Variants in DMXL2 observed in about 807,000 individuals in gnomAD.
DMXL2 encodes Dmx like 2, also known as dmX-like protein 2.
In DMXL2, 103 loss-of-function variants were observed where a neutral mutation model predicts 331.1. The observed-to-expected ratio is 0.31, with a 90% confidence interval of 0.27 to 0.37. The LOEUF is 0.37. Ranked by LOEUF, DMXL2 falls within the 10% of genes least tolerant of loss-of-function variation. The pLI, the probability that DMXL2 is intolerant of heterozygous loss-of-function variation, is 1.00. For synonymous variants in DMXL2, 1,281 were observed against 1,252.1 expected, an observed-to-expected ratio of 1.02 and a Z score of -0.49; for missense variants, 3,171 against 3,642.9, an observed-to-expected ratio of 0.87 and a Z score of 3.33.
intron 22 of DMXL2, 107 bp from the exon 23 acceptor site, chr15:51,486,444 G>T: frequency 1.2e-6 from 1 of 855,246 alleles, no homozygotes; most frequent in Non-Finnish European, 1.8e-6. Flanking sequence ...TCCTAATGGT[G>T]GGCGAAGGGA....
chr15:51,570,476 C>CACAAAGATATTCCTCGAG (rs1473435935), intron 2 of DMXL2, among the ~76,000 whole-genome samples: 9 of 152,004 alleles, frequency 5.9e-5, no homozygotes, highest in African/African-American at 2.2e-4. Context: ...AGAGCAACCC[C>CACAAAGATATTCCTCGAG]AAGACACATA....
chr15:51,522,910 G>C (rs2047457907), intron 13 of DMXL2, among the ~76,000 whole-genome samples: 4 of 152,118 alleles, frequency 2.6e-5, no homozygotes, highest in Admixed American at 1.3e-4. Context: ...CACATGCTTA[G>C]TTGGCCTCAA....
chr15:51,605,167 G>A (rs1004733861), intron 1 of DMXL2, among the ~76,000 whole-genome samples: 5 of 151,830 alleles, frequency 3.3e-5, no homozygotes, highest in African/African-American at 1.2e-4. Context: ...ACCAAAACTC[G>A]ACAAAAACAG....
At chr15:51,465,461 A>C in intron 31 of DMXL2, 105 bp downstream of exon 31, 1 of 797,182 alleles carries the variant, frequency 1.3e-6, no homozygotes, top group Non-Finnish European at 2.1e-6. Context: ...TATCTAATGC[A>C]CTATTTTTTA....
rs139791426 is a variant in DMXL2 at position 51,582,351 on chromosome 15, G to A, written c.88-6170C>T. On this transcript the variant is annotated intron_variant, in intron 1 of 43. Transcript: ENST00000560891. ...ACTAATGACATTTTTCTATCGTTTC[G>A]TTTTCTGTTGCTCAAATTTTTTGCT... is the stretch of plus-strand genomic sequence containing the variant. Among the ~76,000 whole-genome samples the A allele has an allele frequency of 9.2e-3, 1,392 of 151,986 alleles. 26 individuals are homozygous for A. The highest frequency in any genetic ancestry group is 8.8e-3 in the Non-Finnish European group (601 of 67,950).
rs139727538 is a variant in DMXL2 at position 51,481,337 on chromosome 15, C to G, written c.5769G>C (p.Gln1923His). 1 of 1,614,096 alleles carries G rather than the reference C, an allele frequency of 6.2e-7. No individual in the cohort carries two copies. Among genetic ancestry groups the G allele is most frequent in the African/African-American group, 1.3e-5 (1 of 75,036 alleles). ...KTSALSAKKDQPDFISHRMDD... is the reference protein window; with the variant it reads ...KTSALSAKKDHPDFISHRMDD... The stretch of plus-strand genomic sequence containing the variant: ...CCATCCTGTGAGAAATGAAGTCAGG[C>G]TGATCTTTTTTTGCAGATAAGGCAG... The change falls in exon 24 of 44, where the codon CAG becomes CAC. Residue 1923 changes from glutamine to histidine, a missense_variant. Physicochemically the swap from Gln to His is conservative, Grantham distance 24. Coordinates refer to ENST00000560891, the MANE Select transcript of DMXL2 (RefSeq NM_001378457.1).
intron 1 of DMXL2, among the ~76,000 whole-genome samples, chr15:51,595,250 A>T (rs1351159956): frequency 2.0e-5 from 3 of 152,228 alleles, no homozygotes; most frequent in Admixed American, 1.3e-4. Flanking sequence ...AATGTGCAAA[A>T]ATCACAAGCA....
At chr15:51,489,066 C>G (rs1470224201) in intron 20 of DMXL2, among the ~76,000 whole-genome samples, 1 of 152,126 alleles carries the variant, frequency 6.6e-6, no homozygotes, top group African/African-American at 2.4e-5. Context: ...AGAACTGAAA[C>G]TAACATAGAA....
At chr15:51,502,272 G>A (rs1196417457) in intron 17 of DMXL2, among the ~76,000 whole-genome samples, 5 of 148,616 alleles carry the variant, frequency 3.4e-5, no homozygotes, top group Non-Finnish European at 5.9e-5. Context: ...TTTCTGTCAA[G>A]CTGATTACAT....
chr15:51,455,955 CA>C, intron 39 of DMXL2, 110 bp downstream of exon 39: 1 of 1,284,438 alleles, frequency 7.8e-7, no homozygotes, highest in Non-Finnish European at 1.1e-6. Flanking sequence ...ACTGTCTACT[CA>C]GTTTAAATCC....
intron 1 of DMXL2, 149 bp downstream of exon 1, chr15:51,622,310 G>T: frequency 9.9e-7 from 1 of 1,007,540 alleles, no homozygotes; most frequent in Non-Finnish European, 1.4e-6. Flanking sequence ...GTCCCAGGGG[G>T]AACTAAACCC....
chr15:51,507,108 C>G (rs773150761), intron 16 of DMXL2, 26 bp downstream of exon 16: 1 of 1,522,680 alleles, frequency 6.6e-7, no homozygotes, highest in Non-Finnish European at 8.9e-7. Context: ...TATGTATCAT[C>G]TCTGTATAAA....
chr15:51,524,212 C>T (rs914332163), intron 13 of DMXL2, among the ~76,000 whole-genome samples: 5 of 152,136 alleles, frequency 3.3e-5, no homozygotes, highest in Admixed American at 2.6e-4. Context: ...TCTAAGTAAT[C>T]GAGGGTCGAA....
intron 1 of DMXL2, among the ~76,000 whole-genome samples, chr15:51,612,017 A>G (rs1229811783): frequency 6.6e-6 from 1 of 152,140 alleles, no homozygotes; most frequent in Non-Finnish European, 1.5e-5. Flanking sequence ...AAACCTTGCT[A>G]CCACTCTTTC....
intron 1 of DMXL2, among the ~76,000 whole-genome samples, chr15:51,608,666 G>A (rs1045880734): frequency 2.0e-5 from 3 of 152,054 alleles, no homozygotes; most frequent in African/African-American, 4.8e-5. Flanking sequence ...TTACCTGGGT[G>A]ACAAAATAAT....
intron 1 of DMXL2, among the ~76,000 whole-genome samples, chr15:51,597,770 T>C (rs909509575): frequency 1.3e-5 from 2 of 152,218 alleles, no homozygotes; most frequent in African/African-American, 2.4e-5. Flanking sequence ...TGCATGAGAA[T>C]TCCCATCACT....
intron 1 of DMXL2, among the ~76,000 whole-genome samples, chr15:51,592,009 C>G (rs986245859): frequency 6.6e-6 from 1 of 152,176 alleles, no homozygotes; most frequent in Non-Finnish European, 1.5e-5. Flanking sequence ...ATCAGAGCGC[C>G]TCTCCTCCTC....
chr15:51,501,690 G>A (rs2043617812), intron 17 of DMXL2, among the ~76,000 whole-genome samples: 1 of 150,442 alleles, frequency 6.6e-6, no homozygotes, highest in African/African-American at 2.4e-5. Context: ...GGGAGGCCGA[G>A]TGGGCGGATC....
At chr15:51,491,073 A>G (rs1038825650) in intron 20 of DMXL2, among the ~76,000 whole-genome samples, 10 of 152,360 alleles carry the variant, frequency 6.6e-5, no homozygotes, top group African/African-American at 2.4e-4. Context: ...TTCAGCCTAT[A>G]TAGAAAGACA....
Sources: gnomAD v4.1 joint callset for allele counts (sites outside exome capture counted in the v4.1 genomes callset) on GRCh38, gnomAD v4.1.1 for gene constraint, MANE v1.5 for transcripts, NCBI Gene and HGNC (gene_info 2026-07-23, HGNC 2026-07-21) for gene names.